KPNA1: variants seen among roughly 807,000 people sequenced by gnomAD.
KPNA1 encodes the protein karyopherin subunit alpha 1, also known as importin subunit alpha-5.
A neutral mutation model predicts 70.5 loss-of-function variants in KPNA1; 10 were observed. That is an observed-to-expected ratio of 0.14 (90% CI 0.09 to 0.24). The LOEUF is 0.24. Ranked by LOEUF, KPNA1 falls within the 10% of genes least tolerant of loss-of-function variation. KPNA1 has a pLI of 1.00. For synonymous variants in KPNA1, 192 were observed against 221.9 expected (o/e 0.87, Z 1.20); for missense variants, 397 against 637.9 (o/e 0.62, Z 4.07).
intron 6 of KPNA1, 60 bp downstream of exon 6, chr3:122,453,810 G>C (rs145656197): frequency 1.3e-6 from 2 of 1,540,926 alleles, no homozygotes; most frequent in East Asian, 4.6e-5. Flanking sequence ...GATTACAGGA[G>C]TGAGCGACAT....
Position 122,464,092 on chromosome 3 carries a change from A to C in KPNA1, c.238-51T>G, listed in dbSNP as rs377398789. The stretch of plus-strand genomic sequence containing the variant: ...ATAATAAATTATCACCCTTAATTCA[A>C]AGGAAAGAAAGATAACAGATATCAT... On this transcript the variant is annotated intron_variant, in intron 3 of 13. Transcript: ENST00000344337. The C allele has an allele frequency of 3.2e-5, 31 of 966,480 alleles. No homozygotes were observed. In the African/African-American group the frequency reaches 4.1e-4, roughly 13 times the overall value. 59.9% of individuals were successfully genotyped at this position (966,480 alleles called of 1,614,324 possible). A position where few individuals can be genotyped will look rare whatever the true frequency, so the allele number is the denominator to read the frequency against.
intron 10 of KPNA1, 89 bp from the exon 11 acceptor site, chr3:122,437,384 C>A: frequency 2.2e-6 from 2 of 916,654 alleles, no homozygotes; most frequent in Non-Finnish European, 3.2e-6. Context: ...AAAGACATAA[C>A]ATCTCCCCTT....
At position 122,452,457 on chromosome 3, in the gene KPNA1, C is replaced by T. The variant is rs904696734; in HGVS notation, c.565-393G>A. 1.7e-4 allele frequency among the ~76,000 whole-genome samples: 25 copies of T among 143,700 alleles called. No individual in the cohort carries two copies. The East Asian group carries it at 3.8e-3, about 22-fold the overall frequency. The allele number at this position is 143,700 out of a possible 152,430, so 94.3% of individuals were successfully genotyped here. On this transcript the variant is annotated intron_variant, in intron 6 of 13. Coordinates refer to ENST00000344337, the MANE Select transcript of KPNA1 (RefSeq NM_002264.4). ...CTGACAGGCCAAGGTTGCAGTGAGC[C>T]GAGATTGAGCCAATGCACTCCAGCC... is the stretch of plus-strand genomic sequence containing the variant.
At chr3:122,503,759 C>A (rs568747054) in intron 1 of KPNA1, among the ~76,000 whole-genome samples, 48 of 152,168 alleles carry the variant, frequency 3.2e-4, no homozygotes, top group African/African-American at 1.1e-3. Flanking sequence ...ACCAAATGAT[C>A]CTGTTTCTTT....
chr3:122,463,810 A>G (rs556300675), intron 4 of KPNA1, 132 bp downstream of exon 4: 110 of 507,412 alleles, frequency 2.2e-4, no homozygotes, highest in Admixed American at 4.5e-4. Flanking sequence ...ACAATTACAT[A>G]TATGTCTGTA....
intron 1 of KPNA1, among the ~76,000 whole-genome samples, chr3:122,502,514 G>A (rs1354092351): frequency 2.0e-5 from 3 of 152,192 alleles, no homozygotes; most frequent in African/African-American, 4.8e-5. Context: ...CTGGCACCTT[G>A]ATCTGGAATT....
At position 122,461,885 on chromosome 3, in the gene KPNA1, G is replaced by A. The variant is rs2076328244; in HGVS notation, c.338-567C>T. Among the ~76,000 whole-genome samples the A allele has an allele frequency of 2.6e-5, 4 of 152,124 alleles. No homozygotes were observed. The South Asian group carries it at 8.3e-4, about 31-fold the overall frequency. On this transcript the variant is annotated intron_variant, in intron 4 of 13. Coordinates refer to ENST00000344337, the MANE Select transcript of KPNA1 (RefSeq NM_002264.4). The stretch of plus-strand genomic sequence containing the variant: ...TAAAAACTTATAAGGCAAATAGGAG[G>A]GAAATGTCATAGACAATCAGATTAA...
chr3:122,463,246 G>A (rs981891407), intron 4 of KPNA1, among the ~76,000 whole-genome samples: 12 of 152,006 alleles, frequency 7.9e-5, no homozygotes, highest in African/African-American at 2.9e-4. Context: ...TACTTGGGAG[G>A]CTGAGGCAGG....
intron 10 of KPNA1, among the ~76,000 whole-genome samples, chr3:122,439,988 T>C (rs1233629774): frequency 6.6e-6 from 1 of 152,156 alleles, no homozygotes; most frequent in Non-Finnish European, 1.5e-5. Flanking sequence ...ACGTGAGATA[T>C]GCAAGCAGAA....
chr3:122,437,796 G>A (rs546382833), intron 10 of KPNA1, among the ~76,000 whole-genome samples: 4 of 152,088 alleles, frequency 2.6e-5, no homozygotes, highest in Admixed American at 2.6e-4. Flanking sequence ...AAATACACAT[G>A]AAGAAGGAGA....
rs986546633 is a variant in KPNA1 at position 122,449,745 on chromosome 3, A to G, written c.754-8T>C. 6.3e-7 allele frequency: 1 copy of G among 1,599,180 alleles called. No individual in the cohort carries two copies. Among genetic ancestry groups the G allele is most frequent in the African/African-American group, 1.4e-5 (1 of 73,980 alleles). ...ATTCAGACATGGAGAAACCTGTAAA[A>G]GGAAAATGATGATTATGAAATTCAA... On this transcript the variant is annotated splice_region_variant and splice_polypyrimidine_tract_variant and intron_variant, in intron 8 of 13. Coordinates refer to ENST00000344337, the MANE Select transcript of KPNA1 (RefSeq NM_002264.4).
chr3:122,486,394 T>C (rs2076628948), intron 2 of KPNA1, among the ~76,000 whole-genome samples: 1 of 152,180 alleles, frequency 6.6e-6, no homozygotes, highest in Non-Finnish European at 1.5e-5. Flanking sequence ...CATAATTCCA[T>C]TTATGGTAAC....
At chr3:122,434,032 G>A (rs4234223) in intron 11 of KPNA1, among the ~76,000 whole-genome samples, 34,004 of 151,978 alleles carry the variant, frequency 0.22, 4,217 homozygotes, top group Non-Finnish European at 0.27. Flanking sequence ...CACCTCCTGG[G>A]TTCAAGTGAT....
chr3:122,506,767 A>C (rs572108090), intron 1 of KPNA1, among the ~76,000 whole-genome samples: 1 of 152,168 alleles, frequency 6.6e-6, no homozygotes, highest in Admixed American at 6.6e-5. Context: ...CCTTTGCCCC[A>C]AATTCTGACC....
At position 122,427,686 on chromosome 3, in the gene KPNA1, C is replaced by A; in HGVS notation, c.1281G>T (p.Pro427=). 6.2e-7 allele frequency: 1 copy of A among 1,609,658 alleles called. No homozygotes were observed. The highest frequency in any genetic ancestry group is 2.2e-5 in the East Asian group (1 of 44,788). ...KYLVELGCIK[P]LCDLLTVMDS... is the part of the protein sequence containing the mutation. ...CCATGACCGTGAGGAGATCACAGAG[C>A]GGCTTGATACAACCCAGTTCTACTA... is the stretch of plus-strand genomic sequence containing the variant. Residue 427 remains proline, a synonymous_variant, in exon 13 of 14, where the codon CCG becomes CCT. Coordinates refer to ENST00000344337, the MANE Select transcript of KPNA1 (RefSeq NM_002264.4).
intron 10 of KPNA1, among the ~76,000 whole-genome samples, chr3:122,440,122 A>G (rs2076043719): frequency 6.6e-6 from 1 of 152,220 alleles, no homozygotes; most frequent in Non-Finnish European, 1.5e-5. Context: ...TGTGCCAGAA[A>G]TTATTAGATT....
At chr3:122,436,774 G>A (rs558384088) in intron 11 of KPNA1, among the ~76,000 whole-genome samples, 4 of 152,216 alleles carry the variant, frequency 2.6e-5, no homozygotes, top group Admixed American at 6.5e-5. Flanking sequence ...TAATGAAAAC[G>A]ATATACGTTT....
At chr3:122,471,543 TA>T (rs1337436911) in intron 2 of KPNA1, among the ~76,000 whole-genome samples, 1 of 152,146 alleles carries the variant, frequency 6.6e-6, no homozygotes, top group African/African-American at 2.4e-5. Context: ...TAACACCAAT[TA>T]AAAGAAAGCG....
chr3:122,510,173 G>A (rs751959790), intron 1 of KPNA1, among the ~76,000 whole-genome samples: 13 of 152,168 alleles, frequency 8.5e-5, no homozygotes, highest in Non-Finnish European at 1.9e-4. Flanking sequence ...AGTCATGTAA[G>A]ATGTCAGGAA....
Sources: gnomAD v4.1 joint callset for allele counts (sites outside exome capture counted in the v4.1 genomes callset) on GRCh38, gnomAD v4.1.1 for gene constraint, MANE v1.5 for transcripts, NCBI Gene and HGNC (gene_info 2026-07-23, HGNC 2026-07-21) for gene names.